The following SMS variants were observed in gnomAD, a reference collection of about 807,000 sequenced individuals.
SMS encodes spermidine aminopropyltransferase.
Under a neutral mutation model 33.0 loss-of-function variants are expected in SMS, and 3 were observed. The observed-to-expected ratio is 0.09, with a 90% CI of 0.04 to 0.23. SMS has a LOEUF of 0.23. Among genes scored for constraint, SMS ranks in the 10% least tolerant of loss-of-function variants. The pLI is 1.00. For missense variants in SMS, 117 were observed against 288.6 expected (o/e 0.41, Z 4.31); for synonymous variants, 103 against 112.2 (o/e 0.92, Z 0.52).
intron 4 of SMS, 109 bp downstream of exon 4, chrX:21,972,680 A>T: frequency 1.8e-6 from 1 of 547,613 alleles, no homozygotes; most frequent in Non-Finnish European, 3.2e-6. Flanking sequence ...AGGCCGAGGC[A>T]GGCGGATCAC....
rs755868061 is a variant in SMS at position 21,988,653 on chromosome X, ACT to A, written c.945+3433_945+3434del. On this transcript the variant is annotated intron_variant, in intron 9 of 10. Coordinates refer to ENST00000404933, the MANE Select transcript of SMS (RefSeq NM_004595.5). Reference sequence around the variant, plus strand: ...GCAGTCCAGCCTGGGCAAGAGGGAGACTCTGTCTCAAAAAAAAAAAAAAAAAA... The same window carrying A: ...GCAGTCCAGCCTGGGCAAGAGGGAGACTGTCTCAAAAAAAAAAAAAAAAAA... Among the ~76,000 whole-genome samples, 143 of 79,517 alleles carry A rather than the reference ACT, an allele frequency of 1.8e-3. 3 individuals are homozygous for A. The highest frequency in any genetic ancestry group is 8.2e-3 in the Middle Eastern group (1 of 122). The allele number at this position is 79,517 out of a possible 115,157, so 69.1% of individuals were successfully genotyped here.
Position 21,961,545 on chromosome X carries a change from C to T in SMS, c.50-5651C>T, listed in dbSNP as rs138117038. Among the ~76,000 whole-genome samples the T allele has an allele frequency of 2.9e-3, 320 of 111,480 alleles. 8 individuals carry two copies. In the East Asian group the frequency reaches 0.062, roughly 22 times the overall value. On this transcript the variant is annotated intron_variant, in intron 1 of 10. Coordinates refer to ENST00000404933, the MANE Select transcript of SMS (RefSeq NM_004595.5). ...GTCAGAAGAATGAGTTTCTCCAAGA[C>T]GGGCCTGTAAATGGTTCCCTGGTAG...
chrX:21,944,674 ACT>A (rs1353539319), intron 1 of SMS, among the ~76,000 whole-genome samples: 1 of 106,636 alleles, frequency 9.4e-6, no homozygotes, highest in African/African-American at 3.5e-5. Context: ...GTGGCGTGAA[ACT>A]CTCTCAAAAA....
chrX:21,989,328 C>A (rs1925600376), intron 9 of SMS, among the ~76,000 whole-genome samples: 1 of 111,185 alleles, frequency 9.0e-6, no homozygotes, highest in African/African-American at 3.3e-5. Flanking sequence ...AAAGAACTTT[C>A]TAGAACTGAA....
chrX:21,977,810 G>GA (rs781263586), intron 5 of SMS, 150 bp from the exon 6 acceptor site: 416 of 577,945 alleles, frequency 7.2e-4, no homozygotes, highest in African/African-American at 7.0e-3. Context: ...GTCCTCAATG[G>GA]AAAAAAAGCT....
intron 1 of SMS, among the ~76,000 whole-genome samples, chrX:21,948,358 C>G (rs1178872952): frequency 9.3e-6 from 1 of 107,928 alleles, no homozygotes; most frequent in African/African-American, 3.4e-5. Context: ...TCCTGGCTAA[C>G]AAGAGAGGGG....
At chrX:21,955,442 A>G in intron 1 of SMS, among the ~76,000 whole-genome samples, 1 of 112,012 alleles carries the variant, frequency 8.9e-6, no homozygotes, top group East Asian at 2.8e-4. Flanking sequence ...CCGTCTCCAC[A>G]CGTCACATGC....
At chrX:21,945,700 G>A (rs1209429387) in intron 1 of SMS, among the ~76,000 whole-genome samples, 1 of 90,476 alleles carries the variant, frequency 1.1e-5, no homozygotes, top group Non-Finnish European at 2.0e-5. Context: ...CACGATCTCA[G>A]TGTAACCTCT....
chrX:21,992,085 C>A (rs754481371), intron 9 of SMS, among the ~76,000 whole-genome samples: 17 of 111,908 alleles, frequency 1.5e-4, no homozygotes, highest in Non-Finnish European at 2.6e-4. Flanking sequence ...TCGTATATAT[C>A]CTGAATAAAC....
At chrX:21,948,683 T>G (rs766551516) in intron 1 of SMS, among the ~76,000 whole-genome samples, 1 of 111,543 alleles carries the variant, frequency 9.0e-6, no homozygotes, top group South Asian at 3.7e-4. Context: ...GCTTTATAAT[T>G]GCGATCACCA....
chrX:21,993,102 A>G (rs1925866556), intron 10 of SMS, among the ~76,000 whole-genome samples: 1 of 112,267 alleles, frequency 8.9e-6, no homozygotes, highest in African/African-American at 3.2e-5. Flanking sequence ...GTGGGGGCCC[A>G]GTGACCTGTT....
At chrX:21,942,542 A>G (rs1051291260) in intron 1 of SMS, among the ~76,000 whole-genome samples, 3 of 112,331 alleles carry the variant, frequency 2.7e-5, no homozygotes, top group Admixed American at 1.9e-4. Context: ...AAAACAAAGC[A>G]TGTTAATTTT....
intron 7 of SMS, among the ~76,000 whole-genome samples, chrX:21,981,124 C>CT (rs1395808120): frequency 2.7e-5 from 3 of 111,031 alleles, no homozygotes; most frequent in African/African-American, 9.8e-5. Context: ...AGTTGGAGAA[C>CT]AGCCTGGTCA....
chrX:21,941,388 CG>C (rs1181195304), intron 1 of SMS: 5 of 224,430 alleles, frequency 2.2e-5, no homozygotes, highest in Non-Finnish European at 3.3e-5. Context: ...CTCTTGGGGG[CG>C]GGGGTTTCCC....
At chrX:21,963,868 T>C (rs1247068372) in intron 1 of SMS, among the ~76,000 whole-genome samples, 1 of 111,743 alleles carries the variant, frequency 8.9e-6, no homozygotes, top group African/African-American at 3.3e-5. Flanking sequence ...ATTTGTTTTA[T>C]ATGCTTTCAA....
At chrX:21,984,932 T>C (rs1925222937) in intron 8 of SMS, among the ~76,000 whole-genome samples, 1 of 111,992 alleles carries the variant, frequency 8.9e-6, no homozygotes, top group Non-Finnish European at 1.9e-5. Context: ...TCTATTGGTA[T>C]TTTGAGAGCG....
intron 4 of SMS, 58 bp from the exon 5 acceptor site, chrX:21,977,003 G>T: frequency 9.2e-7 from 1 of 1,088,631 alleles, no homozygotes. Context: ...CTTCATCCTA[G>T]CTCCACTTGT....
chrX:21,944,544 A>AAAAAGAAAAG (rs1555992699), intron 1 of SMS, among the ~76,000 whole-genome samples: 2 of 98,974 alleles, frequency 2.0e-5, no homozygotes, highest in East Asian at 3.4e-4. Context: ...AAAAAAAAAA[A>AAAAAGAAAAG]AGAAAAAAAA....
In SMS at chrX:21,963,846, C is replaced by T. The variant is rs188168730; in HGVS notation, c.50-3350C>T. On this transcript the variant is annotated intron_variant, in intron 1 of 10. Transcript: ENST00000404933. ...AACAGAACCATCTTGAGGCCATTTACCAGGAGTGATGATTTGTTTTATATG... is the reference window on the plus strand; with the variant it reads ...AACAGAACCATCTTGAGGCCATTTATCAGGAGTGATGATTTGTTTTATATG... Among the ~76,000 whole-genome samples the T allele has an allele frequency of 6.0e-3, 667 of 111,851 alleles. 1 individual carries two copies. The highest frequency in any genetic ancestry group is 9.7e-3 in the Non-Finnish European group (518 of 53,175).
Sources: allele counts gnomAD v4.1 joint callset (sites outside exome capture counted in the v4.1 genomes callset), GRCh38; gene constraint gnomAD v4.1.1; transcripts MANE v1.5; gene names NCBI Gene and HGNC (gene_info 2026-07-23, HGNC 2026-07-21).